The following BICRA variants were observed in gnomAD, a reference collection of about 807,000 sequenced individuals.
BICRA encodes BRD4-interacting chromatin-remodeling complex-associated protein.
BICRA carries 31 observed loss-of-function variants against 96.9 expected under a neutral mutation model. That is an observed-to-expected ratio of 0.32 (90% CI 0.24 to 0.43). BICRA has a LOEUF of 0.43. BICRA is among the 20% of genes least tolerant of loss of function. The pLI, the probability that BICRA is intolerant of heterozygous loss-of-function variation, is 1.00. For missense variants in BICRA, 2,283 were observed against 2,190.3 expected (o/e 1.04, Z -0.84); for synonymous variants, 1,350 against 1,071.8 (o/e 1.26, Z -5.07).
chr19:47,694,079 C>CCCCCCCCA, intron 7 of BICRA, 36 bp from the exon 8 acceptor site: 1 of 1,417,672 alleles, frequency 7.1e-7, no homozygotes, highest in Non-Finnish European at 9.2e-7. Context: ...TGGTTCTGAC[C>CCCCCCCCA]CCCGCCCCTC....
intron 5 of BICRA, among the ~76,000 whole-genome samples, chr19:47,677,581 G>A (rs1397375127): frequency 2.0e-5 from 3 of 152,140 alleles, no homozygotes; most frequent in Non-Finnish European, 4.4e-5. Context: ...CTGTAATCCC[G>A]GCTGCTTGGG....
Position 47,701,236 on chromosome 19 carries a change from G to A in BICRA, c.3596-92G>A. On this transcript the variant is annotated intron_variant, in intron 14 of 14. Coordinates refer to ENST00000594866, the MANE Select transcript of BICRA (RefSeq NM_001394372.1). This position sits in a 1 kb window ranked among gnomAD's most constrained non-coding sequence, Gnocchi z 5.4. Reference sequence around the variant, plus strand: ...CCAGGGTGCAGTCTGGTGCCTGGCAGGTAGTAGGTGCTCACTGCACACAGC... The same window carrying A: ...CCAGGGTGCAGTCTGGTGCCTGGCAAGTAGTAGGTGCTCACTGCACACAGC... 1 of 834,640 alleles carries A rather than the reference G, an allele frequency of 1.2e-6. No individual in the cohort carries two copies. Among genetic ancestry groups the A allele is most frequent in the East Asian group, 2.6e-5 (1 of 38,406 alleles). The allele number at this position is 834,640 out of a possible 1,614,324, so 51.7% of individuals were successfully genotyped here.
intron 7 of BICRA, among the ~76,000 whole-genome samples, chr19:47,689,623 G>T (rs1973211030): frequency 6.6e-6 from 1 of 152,130 alleles, no homozygotes; most frequent in Non-Finnish European, 1.5e-5. Context: ...TGTTGGCCAG[G>T]CTGGTCTTGA....
intron 1 of BICRA, among the ~76,000 whole-genome samples, chr19:47,624,164 T>TAG (rs1568548378): frequency 6.6e-6 from 1 of 152,136 alleles, no homozygotes; most frequent in Non-Finnish European, 1.5e-5. Flanking sequence ...TGTGACTCCC[T>TAG]AGTGCCCTCA....
At position 47,675,998 on chromosome 19, in the gene BICRA, T is replaced by C; in HGVS notation, c.150+82T>C. On this transcript the variant is annotated intron_variant, in intron 5 of 14. Transcript: ENST00000594866. This position sits in a 1 kb window ranked among gnomAD's most constrained non-coding sequence, Gnocchi z 4.7. Reference sequence around the variant, plus strand: ...GGGCCCTGAAGCCAAGAGGGGAGGCTTGGGCTCATCTCGTGAGGGCTGTTG... The same window carrying C: ...GGGCCCTGAAGCCAAGAGGGGAGGCCTGGGCTCATCTCGTGAGGGCTGTTG... 2.2e-6 allele frequency: 2 copies of C among 925,666 alleles called. No homozygotes were observed. Among genetic ancestry groups the C allele is most frequent in the South Asian group, 3.0e-5 (2 of 65,676 alleles). 57.3% of individuals were successfully genotyped at this position (925,666 alleles called of 1,614,324 possible). A position where few individuals can be genotyped will look rare whatever the true frequency, so the allele number is the denominator to read the frequency against.
chr19:47,636,741 C>T (rs1471132003), intron 1 of BICRA, among the ~76,000 whole-genome samples: 1 of 152,156 alleles, frequency 6.6e-6, no homozygotes, highest in African/African-American at 2.4e-5. Context: ...TTCCTGACCT[C>T]AGGTGATCCT....
Position 47,698,521 on chromosome 19 carries a change from C to A in BICRA, c.3249-113C>A. 1 of 671,706 alleles carries A rather than the reference C, an allele frequency of 1.5e-6. No individual in the cohort carries two copies. Among genetic ancestry groups the A allele is most frequent in the Non-Finnish European group, 2.7e-6 (1 of 367,996 alleles). The allele number at this position is 671,706 out of a possible 1,614,324, so 41.6% of individuals were successfully genotyped here. ...ACACCACTGCCCAAGTATTCCCCTTCCCGCTGTTGTGTTCAGTTGCGGCCT... is the reference window on the plus strand; with the variant it reads ...ACACCACTGCCCAAGTATTCCCCTTACCGCTGTTGTGTTCAGTTGCGGCCT... On this transcript the variant is annotated intron_variant, in intron 11 of 14. Coordinates refer to ENST00000594866, the MANE Select transcript of BICRA (RefSeq NM_001394372.1). The surrounding 1 kb of genome is among the most constrained non-coding windows in gnomAD (Gnocchi z 4.8).
At chr19:47,649,752 C>T (rs1404492121) in intron 1 of BICRA, among the ~76,000 whole-genome samples, 1 of 152,100 alleles carries the variant, frequency 6.6e-6, no homozygotes, top group Non-Finnish European at 1.5e-5. Context: ...AAAGGTCATC[C>T]ACAGGTGGAA....
intron 1 of BICRA, among the ~76,000 whole-genome samples, chr19:47,648,810 C>G (rs566659180): frequency 1.3e-5 from 2 of 151,752 alleles, no homozygotes; most frequent in East Asian, 1.9e-4. Context: ...CCTCAGCCCC[C>G]TGAGTAGCTG....
chr19:47,671,172 A>T (rs1972856883), intron 2 of BICRA, among the ~76,000 whole-genome samples: 1 of 152,246 alleles, frequency 6.6e-6, no homozygotes, highest in Non-Finnish European at 1.5e-5. Context: ...AATATGCCCC[A>T]GCCCACTGTG....
chr19:47,644,823 C>T (rs1266835073), intron 1 of BICRA, among the ~76,000 whole-genome samples: 1 of 152,130 alleles, frequency 6.6e-6, no homozygotes, highest in Non-Finnish European at 1.5e-5. Context: ...GCTTTTATTT[C>T]TACAGGCCAG....
intron 1 of BICRA, among the ~76,000 whole-genome samples, chr19:47,657,033 T>G (rs1245315070): frequency 6.6e-6 from 1 of 151,940 alleles, no homozygotes; most frequent in Non-Finnish European, 1.5e-5. Flanking sequence ...AGCTAATTTT[T>G]TGTATTTTTA....
At chr19:47,666,028 C>T (rs750556497) in intron 1 of BICRA, among the ~76,000 whole-genome samples, 30 of 152,350 alleles carry the variant, frequency 2.0e-4, no homozygotes, top group African/African-American at 4.8e-4. Flanking sequence ...TCACAACTAG[C>T]GTACACACTG....
chr19:47,668,440 C>T (rs1017258793), intron 1 of BICRA, among the ~76,000 whole-genome samples: 5 of 150,700 alleles, frequency 3.3e-5, no homozygotes, highest in Admixed American at 6.6e-5. Flanking sequence ...AAAGCAGTGT[C>T]GTTTTTGCAA....
chr19:47,685,188 T>C (rs1239060630), intron 7 of BICRA, among the ~76,000 whole-genome samples: 1 of 151,882 alleles, frequency 6.6e-6, no homozygotes, highest in Non-Finnish European at 1.5e-5. Flanking sequence ...GGTCTCACTA[T>C]GCAGCCCAGG....
intron 1 of BICRA, among the ~76,000 whole-genome samples, chr19:47,657,072 A>G (rs1193310878): frequency 1.3e-5 from 2 of 152,094 alleles, no homozygotes; most frequent in Non-Finnish European, 2.9e-5. Context: ...TGTGTTAGCC[A>G]GGATGGTCTC....
At chr19:47,693,313 C>T (rs936778171) in intron 7 of BICRA, among the ~76,000 whole-genome samples, 2 of 152,224 alleles carry the variant, frequency 1.3e-5, no homozygotes, top group African/African-American at 2.4e-5. Context: ...AGCACCAGAT[C>T]GCGTGTGCTT....
intron 1 of BICRA, among the ~76,000 whole-genome samples, chr19:47,664,195 A>G (rs577485008): frequency 2.0e-4 from 30 of 152,314 alleles, no homozygotes; most frequent in African/African-American, 6.0e-4. Flanking sequence ...GGTTACTCCA[A>G]TTTATATTGG....
intron 6 of BICRA, 25 bp from the exon 7 acceptor site, chr19:47,681,951 A>G: frequency 1.3e-6 from 2 of 1,519,120 alleles, no homozygotes; most frequent in Non-Finnish European, 1.8e-6. Context: ...CGGCTTTCTG[A>G]TCCTGTGCGG....
Sources: gnomAD v4.1 joint callset for allele counts (sites outside exome capture counted in the v4.1 genomes callset) on GRCh38, gnomAD v4.1.1 for gene constraint, Gnocchi (gnomAD v3.1) non-coding constraint, MANE v1.5 for transcripts, NCBI Gene and HGNC (gene_info 2026-07-23, HGNC 2026-07-21) for gene names.